CBFB: variants seen among roughly 807,000 people sequenced by gnomAD.
The protein encoded by CBFB is core-binding factor subunit beta.
Under a neutral mutation model 30.4 loss-of-function variants are expected in CBFB, and 9 were observed. The observed-to-expected ratio is 0.30, with a 90% CI of 0.18 to 0.52. The LOEUF (loss-of-function observed/expected upper bound fraction) is 0.52. Ranked by LOEUF, CBFB falls within the 20% of genes least tolerant of loss-of-function variation. The pLI is 0.97. For synonymous variants in CBFB, 94 were observed against 84.0 expected (o/e 1.12, Z -0.65); for missense variants, 170 against 244.0 (o/e 0.70, Z 2.02).
intron 5 of CBFB, among the ~76,000 whole-genome samples, chr16:67,089,168 A>C (rs993500252): frequency 2.6e-5 from 4 of 152,234 alleles, no homozygotes; most frequent in African/African-American, 7.2e-5. Context: ...GAAATGAAGA[A>C]GCATTGTTTA....
intron 3 of CBFB, among the ~76,000 whole-genome samples, chr16:67,055,357 C>CTTTCTTTTTTTTTTTTTTTTTTTTT (rs1484285498): frequency 1.2e-5 from 1 of 81,474 alleles, no homozygotes; most frequent in African/African-American, 5.4e-5. Flanking sequence ...CAGACACTTT[C>CTTTCTTTTTTTTTTTTTTTTTTTTT]TTTTTTTTTT....
intron 5 of CBFB, among the ~76,000 whole-genome samples, chr16:67,097,220 G>A (rs962258313): frequency 6.6e-6 from 1 of 151,436 alleles, no homozygotes; most frequent in Non-Finnish European, 1.5e-5. Context: ...GTGACAGAGT[G>A]AGACCCTGTC....
intron 4 of CBFB, among the ~76,000 whole-genome samples, chr16:67,078,147 A>G (rs1458281477): frequency 1.3e-5 from 2 of 152,252 alleles, no homozygotes; most frequent in African/African-American, 2.4e-5. Context: ...AGATTGCAGC[A>G]GGAAAGGATC....
chr16:67,060,060 G>A (rs780120447), intron 3 of CBFB, among the ~76,000 whole-genome samples: 6 of 149,776 alleles, frequency 4.0e-5, no homozygotes, highest in Non-Finnish European at 8.9e-5. Flanking sequence ...CTGCAGCCTC[G>A]ACCTCCTGGG....
At chr16:67,034,006 T>C (rs1479422915) in intron 2 of CBFB, among the ~76,000 whole-genome samples, 10 of 151,880 alleles carry the variant, frequency 6.6e-5, no homozygotes, top group Admixed American at 6.6e-4. Flanking sequence ...TTTTTTGTAT[T>C]TTTAGTAGAG....
intron 5 of CBFB, among the ~76,000 whole-genome samples, chr16:67,084,825 A>G (rs1961675040): frequency 6.6e-6 from 1 of 151,864 alleles, no homozygotes; most frequent in Admixed American, 6.6e-5. Context: ...CTCTACAGCC[A>G]GACAGAAGTC....
At chr16:67,059,570 GT>G (rs1323048548) in intron 3 of CBFB, among the ~76,000 whole-genome samples, 72 of 152,138 alleles carry the variant, frequency 4.7e-4, no homozygotes, top group Non-Finnish European at 2.2e-4. Context: ...ACCCCTGTAG[GT>G]TTTCTGAACT....
At chr16:67,033,856 C>T (rs141766944) in intron 2 of CBFB, among the ~76,000 whole-genome samples, 3,731 of 139,220 alleles carry the variant, frequency 0.027, 110 homozygotes, top group South Asian at 0.083. Context: ...GCGTCTTGCA[C>T]TGTCGGCTAG....
At chr16:67,030,331 T>A (rs1966316140) in intron 2 of CBFB, among the ~76,000 whole-genome samples, 1 of 152,144 alleles carries the variant, frequency 6.6e-6, no homozygotes, top group Admixed American at 6.5e-5. Context: ...AATGTCATTT[T>A]CTTAGAATGT....
At chr16:67,056,648 GTC>G (rs1266995130) in intron 3 of CBFB, among the ~76,000 whole-genome samples, 3 of 150,670 alleles carry the variant, frequency 2.0e-5, no homozygotes, top group African/African-American at 4.9e-5. Flanking sequence ...GTTTTTGGTG[GTC>G]AAGGATCAGC....
At chr16:67,066,280 G>A (rs1172325194) in intron 3 of CBFB, among the ~76,000 whole-genome samples, 3 of 151,680 alleles carry the variant, frequency 2.0e-5, no homozygotes, top group African/African-American at 7.3e-5. Context: ...GGGCATGGTA[G>A]CTCACGCCTG....
At chr16:67,040,741 G>A (rs914643065) in intron 3 of CBFB, among the ~76,000 whole-genome samples, 3 of 152,150 alleles carry the variant, frequency 2.0e-5, no homozygotes. Flanking sequence ...TGGGAAAAAG[G>A]AAAGGTATTA....
Position 67,082,281 on chromosome 16 carries a change from A to G in CBFB, c.468A>G (p.Arg156=), listed in dbSNP as rs1245061967. 1 of 1,612,388 alleles carries G rather than the reference A, an allele frequency of 6.2e-7. No homozygotes were observed. The highest frequency in any genetic ancestry group is 8.5e-7 in the Non-Finnish European group (1 of 1,178,752). The change falls in exon 5 of 6, where the codon AGA becomes AGG. Residue 156 remains arginine (R), a synonymous_variant. Coordinates refer to ENST00000412916, the MANE Select transcript of CBFB (RefSeq NM_022845.3). ...ARRRTREFED[R]DRSHREEMEA... ...GAAGGACACGCGAATTTGAAGATAG[A>G]GACAGGTCTCATCGGGAGGAAATGG...
At chr16:67,059,294 A>G (rs1315469322) in intron 3 of CBFB, among the ~76,000 whole-genome samples, 1 of 152,210 alleles carries the variant, frequency 6.6e-6, no homozygotes, top group Admixed American at 6.5e-5. Flanking sequence ...CAGGATTAGT[A>G]ATATTTAGCT....
intron 4 of CBFB, among the ~76,000 whole-genome samples, chr16:67,075,538 C>T (rs1961370706): frequency 6.6e-6 from 1 of 151,466 alleles, no homozygotes; most frequent in South Asian, 2.1e-4. Flanking sequence ...AATATGCAAG[C>T]TGCGCATGCA....
chr16:67,064,876 A>C (rs1004974034), intron 3 of CBFB, among the ~76,000 whole-genome samples: 9 of 152,030 alleles, frequency 5.9e-5, no homozygotes, highest in Non-Finnish European at 1.0e-4. Context: ...TAAAAGTGTA[A>C]AACAGAAGTT....
intron 3 of CBFB, among the ~76,000 whole-genome samples, chr16:67,055,017 CTCT>C (rs1361390517): frequency 1.1e-4 from 16 of 150,918 alleles, no homozygotes; most frequent in Non-Finnish European, 7.4e-5. Flanking sequence ...TGTTAGTATC[CTCT>C]TCTTGTTTAT....
intron 5 of CBFB, among the ~76,000 whole-genome samples, chr16:67,092,328 A>C (rs1263526959): frequency 6.6e-6 from 1 of 152,158 alleles, no homozygotes; most frequent in Non-Finnish European, 1.5e-5. Flanking sequence ...CCTTTCTCTC[A>C]TGTTGAGACT....
chr16:67,036,181 C>T (rs1966437713), intron 2 of CBFB, among the ~76,000 whole-genome samples: 1 of 152,088 alleles, frequency 6.6e-6, no homozygotes, highest in Non-Finnish European at 1.5e-5. Context: ...TTATGTACTG[C>T]CTGCTATGCA....
Sources: gnomAD v4.1 joint callset for allele counts (sites outside exome capture counted in the v4.1 genomes callset) on GRCh38, gnomAD v4.1.1 for gene constraint, MANE v1.5 for transcripts, NCBI Gene and HGNC (gene_info 2026-07-23, HGNC 2026-07-21) for gene names.